SYNJ2: variants seen among roughly 807,000 people sequenced by gnomAD.
SYNJ2 encodes the protein synaptojanin 2.
Under a neutral mutation model 141.3 loss-of-function variants are expected in SYNJ2, and 116 were observed. The ratio of observed to expected loss-of-function variants is 0.82; its 90% CI spans 0.71 to 0.96. SYNJ2 has a LOEUF of 0.96. Among genes scored for constraint, SYNJ2 ranks in the 40% least tolerant of loss-of-function variants. The probability of loss-of-function intolerance (pLI) is 0.00; values close to 1 mark genes in which losing one functional copy is unlikely to be tolerated. For missense variants in SYNJ2, 1,873 were observed against 1,934.8 expected, an observed-to-expected ratio of 0.97 and a Z score of 0.60; for synonymous variants, 745 against 777.7, an observed-to-expected ratio of 0.96 and a Z score of 0.70.
At chr6:157,988,657 A>G (rs1777298510) in intron 1 of SYNJ2, among the ~76,000 whole-genome samples, 1 of 152,138 alleles carries the variant, frequency 6.6e-6, no homozygotes, top group Admixed American at 6.5e-5. Flanking sequence ...AGGATGGGGA[A>G]TATATTCTGT....
rs1777023482 is a variant in SYNJ2, at chr6:157,981,865, A to C, written c.-97A>C. Reference sequence around the variant, plus strand: ...CGGCGGGAGCGGCGGCGCAAAGTGAAACTCTGGCAAGTTGCGGGCGCGCGG... The same window carrying C: ...CGGCGGGAGCGGCGGCGCAAAGTGACACTCTGGCAAGTTGCGGGCGCGCGG... On this transcript the variant is annotated 5_prime_UTR_variant, in exon 1 of 27. Coordinates refer to ENST00000355585, the MANE Select transcript of SYNJ2 (RefSeq NM_003898.4). This position sits in a 1 kb window ranked among gnomAD's most constrained non-coding sequence, Gnocchi z 6.4. The C allele has an allele frequency of 9.1e-7, 1 of 1,104,972 alleles. No individual in the cohort carries two copies. The highest frequency in any genetic ancestry group is 4.5e-5 in the South Asian group (1 of 22,012). 68.4% of individuals were successfully genotyped at this position (1,104,972 alleles called of 1,614,324 possible). A position where few individuals can be genotyped will look rare whatever the true frequency, so the allele number is the denominator to read the frequency against.
At position 158,028,712 on chromosome 6, in the gene SYNJ2, G is replaced by A. The variant is rs536070492; in HGVS notation, c.215-44G>A. The stretch of plus-strand genomic sequence containing the variant: ...GTCCCCTTGGAGCTCCAGGCGGCCG[G>A]GCCGACTTCGACCCTGAGCTCTCCT... On this transcript the variant is annotated intron_variant, in intron 2 of 26. Coordinates refer to ENST00000355585, the MANE Select transcript of SYNJ2 (RefSeq NM_003898.4). 13 of 1,596,294 alleles carry A rather than the reference G, an allele frequency of 8.1e-6. No individual in the cohort carries two copies. The South Asian group carries it at 1.2e-4, about 15-fold the overall frequency.
intron 2 of SYNJ2, among the ~76,000 whole-genome samples, chr6:158,025,474 G>A (rs993899493): frequency 6.6e-6 from 1 of 152,010 alleles, no homozygotes; most frequent in Non-Finnish European, 1.5e-5. Context: ...TCAGGAGTTC[G>A]AGACCAGCCT....
intron 4 of SYNJ2, among the ~76,000 whole-genome samples, chr6:158,039,064 G>T (rs1779793550): frequency 6.6e-6 from 1 of 152,230 alleles, no homozygotes; most frequent in Admixed American, 6.5e-5. Context: ...CAGGAGCAGA[G>T]ATGGCTGCAG....
At chr6:158,049,134 C>A (rs745983684) in intron 5 of SYNJ2, among the ~76,000 whole-genome samples, 1 of 152,104 alleles carries the variant, frequency 6.6e-6, no homozygotes, top group Non-Finnish European at 1.5e-5. Flanking sequence ...CTCCAGACCC[C>A]GACTATCCTC....
At chr6:158,060,117 C>A (rs537225301) in intron 7 of SYNJ2, among the ~76,000 whole-genome samples, 1 of 152,314 alleles carries the variant, frequency 6.6e-6, no homozygotes, top group East Asian at 1.9e-4. Flanking sequence ...GGTGGCTTTC[C>A]CCTGCTTGCC....
intron 5 of SYNJ2, among the ~76,000 whole-genome samples, chr6:158,053,691 A>G (rs1780693849): frequency 6.6e-6 from 1 of 150,980 alleles, no homozygotes; most frequent in African/African-American, 2.4e-5. Flanking sequence ...CCAGTCATCC[A>G]TCCATCCATC....
At chr6:158,066,687 A>G (rs763115329) in intron 12 of SYNJ2, 52 bp downstream of exon 12, 44 of 1,587,382 alleles carry the variant, frequency 2.8e-5, no homozygotes, top group Non-Finnish European at 3.6e-5. Context: ...CTAACCTGAC[A>G]TGTCACGCTT....
Position 158,047,774 on chromosome 6 carries a change from C to CAAAAAAAAAAA in SYNJ2, c.795+4396_795+4406dup. Among the ~76,000 whole-genome samples the CAAAAAAAAAAA allele has an allele frequency of 1.9e-3, 62 of 32,388 alleles. 5 individuals carry two copies. Among genetic ancestry groups the CAAAAAAAAAAA allele is most frequent in the Non-Finnish European group, 2.2e-3 (44 of 19,794 alleles). 21.2% of individuals were successfully genotyped at this position (32,388 alleles called of 152,430 possible). A position where few individuals can be genotyped will look rare whatever the true frequency, so the allele number is the denominator to read the frequency against. ...CCTGGTCAACAGAGTGCGACTCTGT[C>CAAAAAAAAAAA]AAAAAAAAAAAAAAAAAAAAAAAAA... On this transcript the variant is annotated intron_variant, in intron 5 of 26. Coordinates refer to ENST00000355585, the MANE Select transcript of SYNJ2 (RefSeq NM_003898.4).
rs1779220806 is a variant in SYNJ2, at chr6:158,029,088, G to GGTCTCCTGCAGAGGGTGGGCCCTGA, written c.485+62_485+63insGTCTCCTGCAGAGGGTGGGCCCTGA. The GGTCTCCTGCAGAGGGTGGGCCCTGA allele has an allele frequency of 4.1e-5, 65 of 1,574,348 alleles. No homozygotes were observed. In the South Asian group the frequency reaches 7.5e-4, roughly 18 times the overall value. ...GGTCTCCTGCAGAGGGTGGGCCCTG[G>GGTCTCCTGCAGAGGGTGGGCCCTGA]TTGGCATCTGAGGCCTTGACCTCCA... On this transcript the variant is annotated intron_variant, in intron 3 of 26. Transcript: ENST00000355585.
At chr6:158,064,285 G>A (rs978243286) in intron 9 of SYNJ2, among the ~76,000 whole-genome samples, 3 of 151,866 alleles carry the variant, frequency 2.0e-5, no homozygotes, top group South Asian at 2.1e-4. Context: ...CTGGGGGGTC[G>A]GGGGTAGGGT....
At position 158,098,375 on chromosome 6, in the gene SYNJ2, A is replaced by G. The variant is rs1022082907; in HGVS notation, c.*2011A>G. 1.3e-5 allele frequency: 2 copies of G among 152,212 alleles called. No individual in the cohort carries two copies. The highest frequency in any genetic ancestry group is 2.9e-5 in the Non-Finnish European group (2 of 68,038). The allele number at this position is 152,212 out of a possible 1,614,324, so 9.4% of individuals were successfully genotyped here. A position where few individuals can be genotyped will look rare whatever the true frequency, so the allele number is the denominator to read the frequency against. On this transcript the variant is annotated 3_prime_UTR_variant, in exon 27 of 27. Coordinates refer to ENST00000355585, the MANE Select transcript of SYNJ2 (RefSeq NM_003898.4). ...AGCTCTTCAGAGTCTGACCGTAAGT[A>G]AAAACACACAGAATTGTGTTGACTG...
intron 1 of SYNJ2, among the ~76,000 whole-genome samples, chr6:157,988,545 T>C (rs959206515): frequency 2.0e-5 from 3 of 152,228 alleles, no homozygotes; most frequent in Non-Finnish European, 2.9e-5. Context: ...CGTGTCTCTC[T>C]GCTGTGTCTC....
intron 1 of SYNJ2, among the ~76,000 whole-genome samples, chr6:158,007,887 C>G (rs1172434488): frequency 2.0e-5 from 3 of 152,162 alleles, no homozygotes; most frequent in Non-Finnish European, 4.4e-5. Context: ...CTCTTGGGCT[C>G]AAGCAATCCT....
chr6:158,069,535 C>T lies in SYNJ2; in HGVS notation c.1802C>T (p.Thr601Ile). The T allele has an allele frequency of 6.2e-7, 1 of 1,612,170 alleles. No homozygotes were observed. Among genetic ancestry groups the T allele is most frequent in the African/African-American group, 1.3e-5 (1 of 75,000 alleles). The change falls in exon 14 of 27, where the codon ACT (threonine) becomes ATT (isoleucine). Residue 601 changes from threonine (T) to isoleucine (I), a missense_variant and splice_region_variant. Coordinates refer to ENST00000355585, the MANE Select transcript of SYNJ2 (RefSeq NM_003898.4). ...LSAGNIVNAS[T>I]TNKKMWGEQL... ...CATCCTTTCCTTTTCTCTTCCAGTA[C>T]TACCAACAAGAAGATGTGGGGTGAA... is the stretch of plus-strand genomic sequence containing the variant.
chr6:158,056,579 A>G (rs972343399), intron 6 of SYNJ2, among the ~76,000 whole-genome samples: 3 of 152,146 alleles, frequency 2.0e-5, no homozygotes, highest in African/African-American at 7.2e-5. Flanking sequence ...TTTGGAAATA[A>G]GGTGACATGT....
intron 4 of SYNJ2, among the ~76,000 whole-genome samples, chr6:158,038,400 C>A (rs951387909): frequency 1.3e-5 from 2 of 152,194 alleles, no homozygotes; most frequent in African/African-American, 2.4e-5. Context: ...CCCGCCCCAC[C>A]TAGAGAGCAT....
intron 2 of SYNJ2, 160 bp from the exon 3 acceptor site, chr6:158,028,596 G>C: frequency 1.1e-6 from 1 of 931,844 alleles, no homozygotes; most frequent in Non-Finnish European, 1.6e-6. Flanking sequence ...GACAGGGCAG[G>C]TTCTTGAGCC....
chr6:158,093,203 A>G (rs1206662223), intron 26 of SYNJ2, 99 bp downstream of exon 26: 4 of 1,324,534 alleles, frequency 3.0e-6, no homozygotes, highest in Non-Finnish European at 4.1e-6. Context: ...TGGGAAGCCG[A>G]GGCAAGCGGA....
Sources: gnomAD v4.1 joint callset for allele counts (sites outside exome capture counted in the v4.1 genomes callset) on GRCh38, gnomAD v4.1.1 for gene constraint, Gnocchi (gnomAD v3.1) non-coding constraint, MANE v1.5 for transcripts, NCBI Gene and HGNC (gene_info 2026-07-23, HGNC 2026-07-21) for gene names.